The following CAND1 variants were observed in gnomAD, a reference collection of about 807,000 sequenced individuals.
CAND1 encodes cullin associated and neddylation dissociated 1.
A neutral mutation model predicts 108.5 loss-of-function variants in CAND1; 7 were observed. That is an observed-to-expected ratio of 0.06 (90% CI 0.04 to 0.12). The LOEUF (loss-of-function observed/expected upper bound fraction) is 0.12. Ranked by LOEUF, CAND1 falls within the 10% of genes least tolerant of loss-of-function variation. The pLI is 1.00. For synonymous variants in CAND1, 534 were observed against 512.0 expected, an observed-to-expected ratio of 1.04 and a Z score of -0.58; for missense variants, 941 against 1,448.7, an observed-to-expected ratio of 0.65 and a Z score of 5.69.
intron 8 of CAND1, among the ~76,000 whole-genome samples, chr12:67,303,122 T>G (rs1239600292): frequency 6.6e-6 from 1 of 152,228 alleles, no homozygotes; most frequent in Non-Finnish European, 1.5e-5. Context: ...AAAATACACA[T>G]TTTTTCACTT....
At chr12:67,310,444 T>C in intron 13 of CAND1, 128 bp downstream of exon 13, 1 of 663,332 alleles carries the variant, frequency 1.5e-6, no homozygotes, top group Non-Finnish European at 2.5e-6. Flanking sequence ...ATAAGCATAT[T>C]GTAAACTATA....
At chr12:67,304,508 A>C in intron 8 of CAND1, 97 bp from the exon 9 acceptor site, 1 of 1,296,098 alleles carries the variant, frequency 7.7e-7, no homozygotes, top group Non-Finnish European at 1.1e-6. Flanking sequence ...AAAAAAAGAT[A>C]AACTCTTCCC....
Position 67,313,040 on chromosome 12 carries a change from A to T in CAND1, c.*210A>T. On this transcript the variant is annotated 3_prime_UTR_variant, in exon 15 of 15. Coordinates refer to ENST00000545606, the MANE Select transcript of CAND1 (RefSeq NM_018448.5). ...TGTATTTCCATAATCCAGAGGTTGTAAAACCACTAGTGTTTTAGTGGTTAC... is the reference window on the plus strand; with the variant it reads ...TGTATTTCCATAATCCAGAGGTTGTTAAACCACTAGTGTTTTAGTGGTTAC... 2.2e-6 allele frequency: 1 copy of T among 458,772 alleles called. No homozygotes were observed. The highest frequency in any genetic ancestry group is 3.9e-6 in the Non-Finnish European group (1 of 257,622). 28.4% of individuals were successfully genotyped at this position (458,772 alleles called of 1,614,324 possible). A position where few individuals can be genotyped will look rare whatever the true frequency, so the allele number is the denominator to read the frequency against.
chr12:67,308,921 A>C lies in CAND1; in HGVS notation c.3026-980A>C, dbSNP rs1186260. On this transcript the variant is annotated intron_variant, in intron 11 of 14. Coordinates refer to ENST00000545606, the MANE Select transcript of CAND1 (RefSeq NM_018448.5). ...CTTTCCTCCCATATTTTCAAATTGC[A>C]GGTTTTTCAAGTTGGCATTCAAGTC... Among the ~76,000 whole-genome samples, 1,027 of 151,990 alleles carry C rather than the reference A, an allele frequency of 6.8e-3. 7 individuals carry two copies. The highest frequency in any genetic ancestry group is 0.024 in the African/African-American group (978 of 41,532).
chr12:67,294,922 T>C (rs2044754915), intron 3 of CAND1, 111 bp from the exon 4 acceptor site: 2 of 1,101,954 alleles, frequency 1.8e-6, no homozygotes, highest in Non-Finnish European at 2.6e-6. Flanking sequence ...CTGGATCTGT[T>C]GTGTCTCATG....
rs1305341731 is a variant in CAND1 at position 67,317,014 on chromosome 12, A to G, written c.*4184A>G. On this transcript the variant is annotated 3_prime_UTR_variant, in exon 15 of 15. Transcript: ENST00000545606. ...AAAGAAGAAAAAAGAAATCAACAAC[A>G]TGCAACCATAAGAATGGATGAGATG... 1.3e-5 allele frequency: 2 copies of G among 152,212 alleles called. No individual in the cohort carries two copies. The highest frequency in any genetic ancestry group is 2.9e-5 in the Non-Finnish European group (2 of 68,068). The allele number at this position is 152,212 out of a possible 1,614,324, so 9.4% of individuals were successfully genotyped here. A position where few individuals can be genotyped will look rare whatever the true frequency, so the allele number is the denominator to read the frequency against.
At position 67,302,692 on chromosome 12, in the gene CAND1, G is replaced by A. The variant is rs997440464; in HGVS notation, c.1293+77G>A. On this transcript the variant is annotated intron_variant, in intron 8 of 14. Transcript: ENST00000545606. The stretch of plus-strand genomic sequence containing the variant: ...TAAAATTGTCTTTATATGGAAAGGT[G>A]AGTTCCAGAATATCTATAGAGAAGC... 6.2e-6 allele frequency: 8 copies of A among 1,290,546 alleles called. No homozygotes were observed. The African/African-American group carries it at 1.0e-4, about 17-fold the overall frequency. 79.9% of individuals were successfully genotyped at this position (1,290,546 alleles called of 1,614,324 possible). A position where few individuals can be genotyped will look rare whatever the true frequency, so the allele number is the denominator to read the frequency against.
chr12:67,273,845 G>GA (rs2044545793), intron 1 of CAND1, among the ~76,000 whole-genome samples: 1 of 152,110 alleles, frequency 6.6e-6, no homozygotes, highest in African/African-American at 2.4e-5. Context: ...AAGAGCTAAA[G>GA]AAAATATCAT....
At position 67,297,559 on chromosome 12, in the gene CAND1, T is replaced by C. The variant is rs1261994854; in HGVS notation, c.644T>C (p.Ile215Thr). 4 of 1,614,002 alleles carry C rather than the reference T, an allele frequency of 2.5e-6. No homozygotes were observed. In the African/African-American group the frequency reaches 4.0e-5, roughly 16 times the overall value. The change falls in exon 5 of 15, where the codon ATT (isoleucine) becomes ACT (threonine). Residue 215 changes from isoleucine (I) to threonine (T), a missense_variant. Ile to Thr is a moderately conservative substitution (Grantham distance 89). Transcript: ENST00000545606. ...SCGNIVFVDLIEHLLSELSKN... is the reference protein window; with the variant it reads ...SCGNIVFVDLTEHLLSELSKN... The stretch of plus-strand genomic sequence containing the variant: ...GGAAATATAGTTTTTGTAGATCTTA[T>C]TGAACATCTGTTGTCAGAGTTGTCC...
rs1648688642 is a variant in CAND1, at chr12:67,319,627, T to G, written c.*6797T>G. 1 of 152,234 alleles carries G rather than the reference T, an allele frequency of 6.6e-6. No individual in the cohort carries two copies. Among genetic ancestry groups the G allele is most frequent in the African/African-American group, 2.4e-5 (1 of 41,454 alleles). The allele number at this position is 152,234 out of a possible 1,614,324, so 9.4% of individuals were successfully genotyped here. Reference sequence around the variant, plus strand: ...CCTCCATACCATTGCTGATGGTTACTGAGGGTATGGGAAGGGCCGACTAGT... The same window carrying G: ...CCTCCATACCATTGCTGATGGTTACGGAGGGTATGGGAAGGGCCGACTAGT... On this transcript the variant is annotated 3_prime_UTR_variant, in exon 15 of 15. Transcript: ENST00000545606.
chr12:67,299,259 G>A (rs2044800332), intron 7 of CAND1, among the ~76,000 whole-genome samples, 164 bp downstream of exon 7: 1 of 152,086 alleles, frequency 6.6e-6, no homozygotes. Context: ...GGGCATCCAT[G>A]TATTGAACTG....
chr12:67,312,980 C>A lies in CAND1; in HGVS notation c.*150C>A. 1.9e-6 allele frequency: 1 copy of A among 531,362 alleles called. No individual in the cohort carries two copies. The highest frequency in any genetic ancestry group is 3.0e-5 in the South Asian group (1 of 32,834). 32.9% of individuals were successfully genotyped at this position (531,362 alleles called of 1,614,324 possible). A position where few individuals can be genotyped will look rare whatever the true frequency, so the allele number is the denominator to read the frequency against. On this transcript the variant is annotated 3_prime_UTR_variant, in exon 15 of 15. Transcript: ENST00000545606. ...TGGAGACTGTTTGTTTGGCTTTCTT[C>A]CATTGTTGTTTTTGTAGCATTTATT... is the stretch of plus-strand genomic sequence containing the variant.
In CAND1 at chr12:67,305,755, A is replaced by C; in HGVS notation, c.2087A>C (p.Glu696Ala). The C allele has an allele frequency of 6.2e-7, 1 of 1,614,174 alleles. No homozygotes were observed. Among genetic ancestry groups the C allele is most frequent in the Non-Finnish European group, 8.5e-7 (1 of 1,180,016 alleles). ...GCCATGATTGATGCAGTTCTAGATG[A>C]GCTCCCACCTCTTATCAGCGAAAGT... ...TAAMIDAVLDELPPLISESDM... is the reference protein window; with the variant it reads ...TAAMIDAVLDALPPLISESDM... The change falls in exon 10 of 15, where the codon GAG (glutamate) becomes GCG (alanine). Residue 696 changes from glutamate to alanine, a missense_variant. By Grantham distance (107) the Glu-to-Ala change is moderately radical. Transcript: ENST00000545606. The surrounding 1 kb of genome is among the most constrained non-coding windows in gnomAD (Gnocchi z 4.4).
chr12:67,277,621 A>G (rs1158794364), intron 1 of CAND1, among the ~76,000 whole-genome samples: 2 of 152,198 alleles, frequency 1.3e-5, no homozygotes, highest in African/African-American at 4.8e-5. Flanking sequence ...GCTAGAAGGC[A>G]GAGTGTTGCT....
intron 1 of CAND1, chr12:67,270,550 A>G (rs2044510822): frequency 6.6e-6 from 1 of 152,198 alleles, no homozygotes; most frequent in African/African-American, 2.4e-5. Flanking sequence ...CGGATCTTCA[A>G]AAGGAAGAGA....
intron 9 of CAND1, 42 bp downstream of exon 9, chr12:67,304,788 C>G: frequency 1.3e-6 from 2 of 1,597,926 alleles, no homozygotes; most frequent in Non-Finnish European, 1.7e-6. Context: ...TTATTGTAGC[C>G]TTTTTGTTAG....
Position 67,313,996 on chromosome 12 carries a change from A to G in CAND1, c.*1166A>G, listed in dbSNP as rs1278549809. 1 of 152,598 alleles carries G rather than the reference A, an allele frequency of 6.6e-6. No individual in the cohort carries two copies. The highest frequency in any genetic ancestry group is 1.5e-5 in the Non-Finnish European group (1 of 68,012). 9.5% of individuals were successfully genotyped at this position (152,598 alleles called of 1,614,324 possible). A position where few individuals can be genotyped will look rare whatever the true frequency, so the allele number is the denominator to read the frequency against. Reference sequence around the variant, plus strand: ...GATTAAGGGATCTGTGCTGGGGAACAAAGCTTTTGCAGTACCTTATATTGT... The same window carrying G: ...GATTAAGGGATCTGTGCTGGGGAACGAAGCTTTTGCAGTACCTTATATTGT... On this transcript the variant is annotated 3_prime_UTR_variant, in exon 15 of 15. Transcript: ENST00000545606.
intron 2 of CAND1, among the ~76,000 whole-genome samples, chr12:67,292,021 C>T (rs1387292467): frequency 6.6e-6 from 1 of 152,108 alleles, no homozygotes; most frequent in Non-Finnish European, 1.5e-5. Flanking sequence ...ACCAGCAATG[C>T]CCAGCTAATT....
chr12:67,312,794 A>G lies in CAND1; in HGVS notation c.3657A>G (p.Ser1219=). The G allele has an allele frequency of 1.9e-6, 3 of 1,613,264 alleles. No individual in the cohort carries two copies. Among genetic ancestry groups the G allele is most frequent in the Non-Finnish European group, 2.5e-6 (3 of 1,179,552 alleles). Residue 1219 remains serine (S), a synonymous_variant, in exon 15 of 15, where the codon TCA becomes TCG. Coordinates refer to ENST00000545606, the MANE Select transcript of CAND1 (RefSeq NM_018448.5). ...TCTTTGAAAGTATCCAGAAAGATTCATCATCTACTAACTTGGAATCAATGG... is the reference window on the plus strand; with the variant it reads ...TCTTTGAAAGTATCCAGAAAGATTCGTCATCTACTAACTTGGAATCAATGG... The part of the protein sequence containing the change: ...AAIFESIQKD[S]SSTNLESMDT...
Sources: allele counts gnomAD v4.1 joint callset (sites outside exome capture counted in the v4.1 genomes callset), GRCh38; gene constraint gnomAD v4.1.1; non-coding constraint Gnocchi (gnomAD v3.1); transcripts MANE v1.5; gene names NCBI Gene and HGNC (gene_info 2026-07-23, HGNC 2026-07-21).